The following KHDRBS2 variants were observed in gnomAD, a reference collection of about 807,000 sequenced individuals.
KHDRBS2 encodes the protein KH domain-containing, RNA-binding, signal transduction-associated protein 2.
KHDRBS2 carries 26 observed loss-of-function variants against 44.3 expected under a neutral mutation model. That is an observed-to-expected ratio of 0.59 (90% CI 0.43 to 0.81). The LOEUF is 0.81. KHDRBS2 is among the 40% of genes least tolerant of loss of function. KHDRBS2 has a pLI of 0.00. For synonymous variants in KHDRBS2, 194 were observed against 151.1 expected, an observed-to-expected ratio of 1.28 and a Z score of -2.08; for missense variants, 476 against 433.1, an observed-to-expected ratio of 1.10 and a Z score of -0.88.
At chr6:62,198,919 G>A (rs551209837) in intron 1 of KHDRBS2, among the ~76,000 whole-genome samples, 17 of 152,008 alleles carry the variant, frequency 1.1e-4, no homozygotes, top group Admixed American at 2.0e-4. Context: ...CCTGGGAAGC[G>A]AGGCTGGTTC....
the KHDRBS2 span, among the ~76,000 whole-genome samples, chr6:61,550,766 C>CTT: frequency 0.37 from 43,087 of 116,566 alleles, 9,068 homozygotes; most frequent in East Asian, 0.49. Flanking sequence ...GAGATGGTAT[C>CTT]TTTTTTTTTT....
At chr6:61,931,778 GT>G (rs1732716659) in intron 4 of KHDRBS2, among the ~76,000 whole-genome samples, 1 of 151,958 alleles carries the variant, frequency 6.6e-6, no homozygotes, top group South Asian at 2.1e-4. Context: ...TGCACTGAGT[GT>G]GTCTGCCTAT....
chr6:61,848,581 A>ATGTATATATG (rs1489113569), intron 6 of KHDRBS2, among the ~76,000 whole-genome samples: 1 of 105,026 alleles, frequency 9.5e-6, no homozygotes, highest in Non-Finnish European at 1.9e-5. Context: ...ATATACATAT[A>ATGTATATATG]TATATATATA....
intron 6 of KHDRBS2, among the ~76,000 whole-genome samples, chr6:61,773,448 A>G (rs1781352368): frequency 6.6e-6 from 1 of 152,024 alleles, no homozygotes; most frequent in African/African-American, 2.4e-5. Context: ...TTCTTTTGAG[A>G]AGTGTCTGTT....
chr6:61,723,939 A>T (rs931980730), intron 7 of KHDRBS2, among the ~76,000 whole-genome samples: 1 of 152,178 alleles, frequency 6.6e-6, no homozygotes, highest in African/African-American at 2.4e-5. Flanking sequence ...ACAGGCCAAT[A>T]TTCAAATTCA....
At chr6:62,075,968 T>G (rs1796255346) in intron 2 of KHDRBS2, among the ~76,000 whole-genome samples, 1 of 151,860 alleles carries the variant, frequency 6.6e-6, no homozygotes, top group African/African-American at 2.4e-5. Context: ...TGTAGATTTT[T>G]TTTGCTGTTA....
chr6:61,681,193 C>T (rs1766253283), intron 8 of KHDRBS2, 133 bp from the exon 9 acceptor site: 1 of 633,020 alleles, frequency 1.6e-6, no homozygotes, highest in Admixed American at 2.8e-5. Flanking sequence ...CTATTTTTTC[C>T]ACATCGTGAG....
intron 2 of KHDRBS2, among the ~76,000 whole-genome samples, chr6:62,090,214 G>A (rs1345074913): frequency 1.3e-5 from 2 of 152,132 alleles, no homozygotes; most frequent in East Asian, 3.9e-4. Flanking sequence ...TAAGGAAATG[G>A]CTCCTTCACC....
chr6:61,688,708 T>A (rs778679569), intron 8 of KHDRBS2, among the ~76,000 whole-genome samples: 1 of 151,966 alleles, frequency 6.6e-6, no homozygotes, highest in Non-Finnish European at 1.5e-5. Context: ...TCTTTCTGTA[T>A]GACCTACTCT....
chr6:61,920,446 A>T (rs1446922907), intron 4 of KHDRBS2, among the ~76,000 whole-genome samples: 1 of 151,836 alleles, frequency 6.6e-6, no homozygotes, highest in Non-Finnish European at 1.5e-5. Context: ...AGAATTGCCT[A>T]CTCTCCTATA....
intron 4 of KHDRBS2, among the ~76,000 whole-genome samples, chr6:61,951,903 A>AAT (rs1562503497): frequency 6.6e-6 from 1 of 151,690 alleles, no homozygotes; most frequent in African/African-American, 2.4e-5. Flanking sequence ...TGTAGTTACA[A>AAT]TTTTTTCAGT....
At chr6:61,849,828 A>G (rs1187809176) in intron 6 of KHDRBS2, among the ~76,000 whole-genome samples, 2 of 152,170 alleles carry the variant, frequency 1.3e-5, no homozygotes, top group Non-Finnish European at 2.9e-5. Context: ...TGGTAGAAAC[A>G]GAAAATAGCA....
At chr6:62,132,613 G>T (rs1167646849) in intron 2 of KHDRBS2, among the ~76,000 whole-genome samples, 1 of 152,038 alleles carries the variant, frequency 6.6e-6, no homozygotes, top group East Asian at 1.9e-4. Flanking sequence ...ACTGATGAGG[G>T]TTTTTCTATG....
intron 1 of KHDRBS2, among the ~76,000 whole-genome samples, chr6:62,284,664 C>T (rs1363244826): frequency 6.6e-6 from 1 of 151,886 alleles, no homozygotes; most frequent in Non-Finnish European, 1.5e-5. Context: ...TTCACATGTT[C>T]CATGTTTTGA....
Position 61,832,387 on chromosome 6 carries a change from T to C in KHDRBS2, c.810+62248A>G, listed in dbSNP as rs566014239. On this transcript the variant is annotated intron_variant, in intron 6 of 8. Coordinates refer to ENST00000281156, the MANE Select transcript of KHDRBS2 (RefSeq NM_152688.4). The stretch of plus-strand genomic sequence containing the variant: ...TACCCTCTTATCTATAGGTCTCTTC[T>C]CTCTTGTCTTGTGTGTGTCTGAAAA... Among the ~76,000 whole-genome samples, 38 of 152,304 alleles carry C rather than the reference T, an allele frequency of 2.5e-4. No homozygotes were observed. The South Asian group carries it at 4.6e-3, about 18-fold the overall frequency.
chr6:62,200,895 C>A lies in KHDRBS2; in HGVS notation c.92-23583G>T, dbSNP rs368195360. On this transcript the variant is annotated intron_variant, in intron 1 of 8. Transcript: ENST00000281156. ...TGTGGCACATATACACCATGGAATA[C>A]TATGCAGCCATAAAAAATGATGAGT... Among the ~76,000 whole-genome samples, 67 of 147,962 alleles carry A rather than the reference C, an allele frequency of 4.5e-4. No individual in the cohort carries two copies. In the East Asian group the frequency reaches 5.3e-3, roughly 12 times the overall value.
At chr6:62,255,570 C>A (rs1837238466) in intron 1 of KHDRBS2, among the ~76,000 whole-genome samples, 1 of 150,644 alleles carries the variant, frequency 6.6e-6, no homozygotes, top group Admixed American at 6.7e-5. Flanking sequence ...AACAACCATG[C>A]AGTGCTGTAT....
the KHDRBS2 span, among the ~76,000 whole-genome samples, chr6:61,658,716 C>T: frequency 6.6e-6 from 1 of 151,896 alleles, no homozygotes; most frequent in Admixed American, 6.6e-5. Flanking sequence ...AACCACTGTT[C>T]AGATTACACT....
At chr6:61,901,826 A>G (rs2127343658) in intron 4 of KHDRBS2, among the ~76,000 whole-genome samples, 1 of 152,344 alleles carries the variant, frequency 6.6e-6, no homozygotes, top group African/African-American at 2.4e-5. Context: ...CCAAGGGCTC[A>G]GAGTAGATAC....
Sources: allele counts gnomAD v4.1 joint callset (sites outside exome capture counted in the v4.1 genomes callset), GRCh38; gene constraint gnomAD v4.1.1; transcripts MANE v1.5; gene names NCBI Gene and HGNC (gene_info 2026-07-23, HGNC 2026-07-21).